ZDHHC20: variants seen among roughly 807,000 people sequenced by gnomAD.
ZDHHC20 encodes zDHHC palmitoyltransferase 20.
A neutral mutation model predicts 57.8 loss-of-function variants in ZDHHC20; 43 were observed. That is an observed-to-expected ratio of 0.74 (90% CI 0.58 to 0.96). The LOEUF (loss-of-function observed/expected upper bound fraction) is 0.96, where lower values mean the gene tolerates loss of function less well. Ranked by LOEUF, ZDHHC20 falls within the 40% of genes least tolerant of loss-of-function variation. The pLI is 0.00. For missense variants in ZDHHC20, 391 were observed against 441.1 expected (o/e 0.89, Z 1.02); for synonymous variants, 157 against 153.0 (o/e 1.03, Z -0.19).
intron 1 of ZDHHC20, among the ~76,000 whole-genome samples, chr13:21,432,387 T>G (rs919488433): frequency 6.6e-6 from 1 of 151,604 alleles, no homozygotes; most frequent in Non-Finnish European, 1.5e-5. Flanking sequence ...TGGTGTGCAG[T>G]GGCGTGATCT....
intron 1 of ZDHHC20, among the ~76,000 whole-genome samples, chr13:21,451,046 G>A (rs1184757789): frequency 3.3e-5 from 5 of 152,160 alleles, no homozygotes; most frequent in Non-Finnish European, 7.3e-5. Context: ...GAATCACCAT[G>A]CCTGGCCAAA....
At chr13:21,425,018 T>A (rs1469052066) in intron 2 of ZDHHC20, among the ~76,000 whole-genome samples, 1 of 152,204 alleles carries the variant, frequency 6.6e-6, no homozygotes, top group Non-Finnish European at 1.5e-5. Flanking sequence ...ATTTTAGAAA[T>A]CCTCTGGAGT....
chr13:21,443,715 C>T (rs1223717957), intron 1 of ZDHHC20, among the ~76,000 whole-genome samples: 1 of 152,182 alleles, frequency 6.6e-6, no homozygotes, highest in Non-Finnish European at 1.5e-5. Flanking sequence ...AATTACTTAG[C>T]GCATTAAATG....
intron 1 of ZDHHC20, among the ~76,000 whole-genome samples, chr13:21,438,874 A>C (rs1044373150): frequency 6.6e-6 from 1 of 152,260 alleles, no homozygotes; most frequent in Admixed American, 6.5e-5. Flanking sequence ...ATCAGTCAGC[A>C]GCCATCATCA....
intron 8 of ZDHHC20, among the ~76,000 whole-genome samples, chr13:21,391,500 T>C (rs752896232): frequency 2.2e-4 from 33 of 152,200 alleles, no homozygotes; most frequent in Non-Finnish European, 3.4e-4. Flanking sequence ...TTTTATTTTT[T>C]AGAGACTGGG....
intron 7 of ZDHHC20, 26 bp from the exon 8 acceptor site, chr13:21,391,880 G>C (rs950120617): frequency 6.3e-7 from 1 of 1,597,638 alleles, no homozygotes; most frequent in African/African-American, 1.3e-5. Context: ...AGTTAATTTT[G>C]AGGTCAACCT....
In ZDHHC20 at chr13:21,455,633, GGTGTGTGTGTGTGTGT is replaced by G. The variant is rs3070118; in HGVS notation, c.118+3405_118+3420del. On this transcript the variant is annotated intron_variant, in intron 1 of 12. Transcript: ENST00000400590. ...TCCTCAGTATTACTCCCAGTGAAGT[GGTGTGTGTGTGTGTGT>G]GTGTGTGTGTGTGTGTGTGTGTGTC... is the stretch of plus-strand genomic sequence containing the variant. Among the ~76,000 whole-genome samples the G allele has an allele frequency of 3.4e-4, 50 of 148,080 alleles. 2 individuals carry two copies. Among genetic ancestry groups the G allele is most frequent in the South Asian group, 1.1e-3 (5 of 4,630 alleles).
chr13:21,397,593 T>C (rs1392508565), intron 7 of ZDHHC20, among the ~76,000 whole-genome samples: 1 of 151,712 alleles, frequency 6.6e-6, no homozygotes, highest in Non-Finnish European at 1.5e-5. Context: ...CCTGGGAGAT[T>C]GAAACTGCAG....
intron 3 of ZDHHC20, among the ~76,000 whole-genome samples, chr13:21,418,694 G>A (rs1194684821): frequency 1.4e-5 from 2 of 142,666 alleles, no homozygotes; most frequent in Non-Finnish European, 2.9e-5. Flanking sequence ...TGTTGTCTGA[G>A]ACAGGGTCTC....
chr13:21,406,285 C>T (rs1324883183), intron 4 of ZDHHC20, among the ~76,000 whole-genome samples: 1 of 152,188 alleles, frequency 6.6e-6, no homozygotes, highest in Non-Finnish European at 1.5e-5. Context: ...ATACTCATTT[C>T]CCGATCACTC....
At chr13:21,443,999 T>C (rs1400720268) in intron 1 of ZDHHC20, among the ~76,000 whole-genome samples, 2 of 152,146 alleles carry the variant, frequency 1.3e-5, no homozygotes, top group East Asian at 3.9e-4. Flanking sequence ...CTACTAAAAA[T>C]ACAAAAATTA....
chr13:21,401,624 T>G, intron 6 of ZDHHC20, 29 bp downstream of exon 6: 1 of 1,529,340 alleles, frequency 6.5e-7, no homozygotes, highest in Non-Finnish European at 8.8e-7. Flanking sequence ...TCACCACCAA[T>G]GCAATTTCTT....
At chr13:21,390,417 T>C (rs1432193072) in intron 8 of ZDHHC20, among the ~76,000 whole-genome samples, 1 of 152,194 alleles carries the variant, frequency 6.6e-6, no homozygotes, top group Non-Finnish European at 1.5e-5. Context: ...TTTCCCCCTA[T>C]ATTTTCATTT....
intron 4 of ZDHHC20, among the ~76,000 whole-genome samples, chr13:21,410,778 G>A (rs961533732): frequency 2.2e-4 from 33 of 152,208 alleles, no homozygotes; most frequent in African/African-American, 7.5e-4. Flanking sequence ...TCAAGCCAGT[G>A]GATCTTAGCT....
chr13:21,424,422 C>T (rs1881014247), intron 2 of ZDHHC20, among the ~76,000 whole-genome samples: 2 of 152,108 alleles, frequency 1.3e-5, no homozygotes, highest in African/African-American at 4.8e-5. Context: ...TATTGAAAGA[C>T]TCTTTGGCCA....
intron 7 of ZDHHC20, among the ~76,000 whole-genome samples, chr13:21,394,584 ATTTACG>A (rs1566073623): frequency 6.6e-6 from 1 of 152,228 alleles, no homozygotes; most frequent in African/African-American, 2.4e-5. Context: ...AAAAAGGTAT[ATTTACG>A]TTTACAAGTC....
chr13:21,392,649 T>C (rs896621342), intron 7 of ZDHHC20, among the ~76,000 whole-genome samples: 1 of 152,196 alleles, frequency 6.6e-6, no homozygotes, highest in Non-Finnish European at 1.5e-5. Flanking sequence ...TTAGTACCTT[T>C]AATAGAAGGA....
At chr13:21,380,790 CA>C (rs552347815) in intron 11 of ZDHHC20, among the ~76,000 whole-genome samples, 11,498 of 123,952 alleles carry the variant, frequency 0.093, 1,315 homozygotes, top group African/African-American at 0.29. Context: ...AATTCCATCT[CA>C]AAAAAAAAAA....
At chr13:21,432,002 G>T (rs746537862) in intron 1 of ZDHHC20, among the ~76,000 whole-genome samples, 15 of 151,774 alleles carry the variant, frequency 9.9e-5, no homozygotes, top group Non-Finnish European at 1.6e-4. Context: ...TTCATGCCTG[G>T]GAAATCTTTG....
Sources: allele counts gnomAD v4.1 joint callset (sites outside exome capture counted in the v4.1 genomes callset), GRCh38; gene constraint gnomAD v4.1.1; transcripts MANE v1.5; gene names NCBI Gene and HGNC (gene_info 2026-07-23, HGNC 2026-07-21).